PDZRN3: variants seen among roughly 807,000 people sequenced by gnomAD.
The protein encoded by PDZRN3 is E3 ubiquitin-protein ligase PDZRN3.
In PDZRN3, 38 loss-of-function variants were observed where a neutral mutation model predicts 85.7. That is an observed-to-expected ratio of 0.44 (90% CI 0.34 to 0.58). PDZRN3 has a LOEUF of 0.58. PDZRN3 is among the 20% of genes least tolerant of loss of function. PDZRN3 has a pLI of 0.01. For missense variants in PDZRN3, 1,629 were observed against 1,506.4 expected (o/e 1.08, Z -1.35); for synonymous variants, 759 against 638.0 (o/e 1.19, Z -2.86).
intron 5 of PDZRN3, among the ~76,000 whole-genome samples, chr3:73,391,573 A>C (rs767647809): frequency 1.3e-5 from 2 of 152,206 alleles, no homozygotes; most frequent in African/African-American, 2.4e-5. Flanking sequence ...ATTACACATA[A>C]ATTGATCCAA....
chr3:73,462,333 G>A (rs1703121777), intron 3 of PDZRN3, among the ~76,000 whole-genome samples: 1 of 152,112 alleles, frequency 6.6e-6, no homozygotes. Context: ...CACGAGGTCA[G>A]GAGATCGAGA....
chr3:73,621,939 AAG>A (rs1421166327), intron 1 of PDZRN3: 1 of 152,250 alleles, frequency 6.6e-6, no homozygotes, highest in African/African-American at 2.4e-5. Context: ...ACACTCCAGA[AAG>A]AAAACAGAAA....
At position 73,430,395 on chromosome 3, in the gene PDZRN3, C is replaced by CA. The variant is rs1266039464; in HGVS notation, c.919-26001dup. On this transcript the variant is annotated intron_variant, in intron 3 of 9. Transcript: ENST00000263666. ...AATTTCTAGTTTGAAGCTTAACTCC[C>CA]AATCAGAATTATTTCCTTGTTGCCT... 1.4e-4 allele frequency among the ~76,000 whole-genome samples: 22 copies of CA among 152,308 alleles called. 1 individual carries two copies. In the South Asian group the frequency reaches 4.6e-3, roughly 32 times the overall value.
chr3:73,620,491 C>T (rs61069650), intron 1 of PDZRN3, among the ~76,000 whole-genome samples: 12 of 152,134 alleles, frequency 7.9e-5, no homozygotes, highest in Non-Finnish European at 1.6e-4. Context: ...AAGTCTGCTG[C>T]AGCTCAGATG....
chr3:73,620,573 T>G lies in PDZRN3; in HGVS notation c.723+3530A>C, dbSNP rs1453881972. ...TCATTTAACTGCTAGGCAGTCTGGG[T>G]TTTTTTTGTTTTTTTTTTTTTGAGA... On this transcript the variant is annotated intron_variant, in intron 1 of 9. Transcript: ENST00000263666. Among the ~76,000 whole-genome samples, 7 of 87,812 alleles carry G rather than the reference T, an allele frequency of 8.0e-5. No individual in the cohort carries two copies. The South Asian group carries it at 2.5e-3, about 32-fold the overall frequency. The allele number at this position is 87,812 out of a possible 152,430, so 57.6% of individuals were successfully genotyped here. A position where few individuals can be genotyped will look rare whatever the true frequency, so the allele number is the denominator to read the frequency against.
intron 3 of PDZRN3, among the ~76,000 whole-genome samples, chr3:73,502,873 C>A (rs1340000027): frequency 1.3e-5 from 2 of 152,180 alleles, no homozygotes; most frequent in Non-Finnish European, 2.9e-5. Context: ...TACCAGAGCA[C>A]CACCTGCTGG....
chr3:73,569,097 GA>G, intron 3 of PDZRN3: 1 of 1,129,098 alleles, frequency 8.9e-7, no homozygotes, highest in Non-Finnish European at 1.2e-6. Context: ...GCTGAACTTT[GA>G]ACCCAGCTCA....
chr3:73,385,846 T>C (rs1701369246), intron 8 of PDZRN3, 61 bp from the exon 9 acceptor site: 2 of 1,011,836 alleles, frequency 2.0e-6, no homozygotes, highest in Admixed American at 1.8e-5. Context: ...ATTTATGTTT[T>C]TTTAAAAATG....
chr3:73,483,988 T>C (rs1405010612), intron 3 of PDZRN3, among the ~76,000 whole-genome samples: 1 of 151,900 alleles, frequency 6.6e-6, no homozygotes, highest in Non-Finnish European at 1.5e-5. Flanking sequence ...GAACGTATTA[T>C]AAAAGAAAGG....
intron 3 of PDZRN3, among the ~76,000 whole-genome samples, chr3:73,552,236 G>T (rs1393721286): frequency 3.3e-5 from 5 of 151,702 alleles, no homozygotes; most frequent in Non-Finnish European, 7.4e-5. Context: ...GTGTGTGTGT[G>T]TGTGTGTGTG....
At chr3:73,623,111 G>A (rs1267110015) in intron 1 of PDZRN3, among the ~76,000 whole-genome samples, 3 of 152,160 alleles carry the variant, frequency 2.0e-5, no homozygotes, top group Non-Finnish European at 4.4e-5. Flanking sequence ...GTAAACCCTC[G>A]CTCAAGGGGA....
At chr3:73,457,021 C>T (rs1702992903) in intron 3 of PDZRN3, among the ~76,000 whole-genome samples, 1 of 151,958 alleles carries the variant, frequency 6.6e-6, no homozygotes, top group Admixed American at 6.5e-5. Flanking sequence ...AAAATGCTTA[C>T]TTTAAAAAAG....
In PDZRN3 at chr3:73,458,664, T is replaced by A. The variant is rs1391600017; in HGVS notation, c.919-54269A>T. 2.6e-5 allele frequency among the ~76,000 whole-genome samples: 4 copies of A among 151,096 alleles called. No individual in the cohort carries two copies. In the Admixed American group the frequency reaches 2.7e-4, roughly 10 times the overall value. On this transcript the variant is annotated intron_variant, in intron 3 of 9. Transcript: ENST00000263666. ...GTATTAGTCCGTTCTCACACCTCTATGAAGAAATACCTGAGACTGGGTAAT... is the reference window on the plus strand; with the variant it reads ...GTATTAGTCCGTTCTCACACCTCTAAGAAGAAATACCTGAGACTGGGTAAT...
intron 3 of PDZRN3, among the ~76,000 whole-genome samples, chr3:73,411,132 G>C (rs1701958630): frequency 6.6e-6 from 1 of 152,170 alleles, no homozygotes; most frequent in Non-Finnish European, 1.5e-5. Context: ...TTCTTGATAG[G>C]ATAAAAATAG....
intron 1 of PDZRN3, among the ~76,000 whole-genome samples, chr3:73,620,662 C>T (rs1466646425): frequency 2.7e-5 from 4 of 150,268 alleles, no homozygotes; most frequent in African/African-American, 9.8e-5. Flanking sequence ...CTGCAAGCTC[C>T]GCTTCCCAGG....
intron 3 of PDZRN3, among the ~76,000 whole-genome samples, chr3:73,530,533 C>T (rs1704628365): frequency 6.6e-6 from 1 of 152,052 alleles, no homozygotes. Flanking sequence ...GTAAAAAGTC[C>T]TGGTTTACCT....
At chr3:73,410,500 T>A (rs1252755489) in intron 3 of PDZRN3, among the ~76,000 whole-genome samples, 16 of 152,224 alleles carry the variant, frequency 1.1e-4, no homozygotes, top group Non-Finnish European at 4.4e-5. Context: ...ATCCTGATGT[T>A]ATTTCCCTAG....
intron 3 of PDZRN3, among the ~76,000 whole-genome samples, chr3:73,406,481 G>A (rs1045846115): frequency 2.0e-5 from 3 of 152,190 alleles, no homozygotes; most frequent in African/African-American, 7.2e-5. Flanking sequence ...AATTTACAAT[G>A]CTACAGCAAA....
At chr3:73,623,447 T>C (rs1471165894) in intron 1 of PDZRN3, 4 of 152,308 alleles carry the variant, frequency 2.6e-5, no homozygotes, top group Non-Finnish European at 5.9e-5. Flanking sequence ...GGCTGTGTTT[T>C]TACTCTGTAT....
Sources: allele counts gnomAD v4.1 joint callset (sites outside exome capture counted in the v4.1 genomes callset), GRCh38; gene constraint gnomAD v4.1.1; transcripts MANE v1.5; gene names NCBI Gene and HGNC (gene_info 2026-07-23, HGNC 2026-07-21).